SYNDIG1: variants seen among roughly 807,000 people sequenced by gnomAD.
The protein encoded by SYNDIG1 is synapse differentiation-inducing gene protein 1.
Under a neutral mutation model 19.4 loss-of-function variants are expected in SYNDIG1, and 9 were observed. The observed-to-expected ratio is 0.46, with a 90% CI of 0.28 to 0.81. The LOEUF is 0.81. Among genes scored for constraint, SYNDIG1 ranks in the 30% least tolerant of loss-of-function variants. SYNDIG1 has a pLI of 0.12. For missense variants in SYNDIG1, 311 were observed against 343.3 expected (o/e 0.91, Z 0.74); for synonymous variants, 141 against 145.9 (o/e 0.97, Z 0.24).
At chr20:24,638,785 C>T (rs765117025) in intron 3 of SYNDIG1, among the ~76,000 whole-genome samples, 12 of 152,248 alleles carry the variant, frequency 7.9e-5, no homozygotes, top group Non-Finnish European at 1.5e-4. Flanking sequence ...AGCAGAGGCT[C>T]GGGCTCTGAT....
chr20:24,573,026 C>T (rs138081841), intron 2 of SYNDIG1, among the ~76,000 whole-genome samples: 2 of 152,260 alleles, frequency 1.3e-5, no homozygotes, highest in East Asian at 3.9e-4. Flanking sequence ...CCGTCCTGAC[C>T]CACATTAGTC....
Position 24,522,631 on chromosome 20 carries a change from C to G in SYNDIG1, c.-78-20389C>G, listed in dbSNP as rs1188086638. ...GTTGGCATGCTTACCCACACTGTTT[C>G]TCTCTTCCCCATTGGCCTTCTGTAT... On this transcript the variant is annotated intron_variant, in intron 1 of 3. Coordinates refer to ENST00000376862, the MANE Select transcript of SYNDIG1 (RefSeq NM_024893.3). Among the ~76,000 whole-genome samples, 7 of 152,286 alleles carry G rather than the reference C, an allele frequency of 4.6e-5. No homozygotes were observed. The East Asian group carries it at 1.4e-3, about 29-fold the overall frequency.
At chr20:24,559,256 C>A (rs1342032208) in intron 2 of SYNDIG1, among the ~76,000 whole-genome samples, 4 of 152,100 alleles carry the variant, frequency 2.6e-5, no homozygotes, top group Non-Finnish European at 4.4e-5. Flanking sequence ...AGACAAACAT[C>A]ACATGTTCAC....
chr20:24,503,501 GAGA>G (rs1165269286), intron 1 of SYNDIG1, among the ~76,000 whole-genome samples: 1 of 152,194 alleles, frequency 6.6e-6, no homozygotes, highest in Non-Finnish European at 1.5e-5. Flanking sequence ...AGGGGCTCAG[GAGA>G]AGCTCGTCTA....
chr20:24,557,914 C>T (rs549331564), intron 2 of SYNDIG1, among the ~76,000 whole-genome samples: 35 of 152,330 alleles, frequency 2.3e-4, no homozygotes, highest in Non-Finnish European at 1.9e-4. Context: ...TGTTCCTATT[C>T]GGCCATCTTG....
chr20:24,473,469 T>C (rs1382051213), intron 1 of SYNDIG1, among the ~76,000 whole-genome samples: 1 of 152,188 alleles, frequency 6.6e-6, no homozygotes, highest in Admixed American at 6.5e-5. Context: ...CTGTGCAAGA[T>C]GCCCATTTTG....
intron 3 of SYNDIG1, among the ~76,000 whole-genome samples, chr20:24,664,158 G>A (rs2059627977): frequency 6.6e-6 from 1 of 151,760 alleles, no homozygotes; most frequent in Non-Finnish European, 1.5e-5. Flanking sequence ...GCAGCGGCAG[G>A]CATCCCTTCC....
At chr20:24,617,763 G>A (rs937428878) in intron 3 of SYNDIG1, among the ~76,000 whole-genome samples, 1 of 150,366 alleles carries the variant, frequency 6.7e-6, no homozygotes, top group South Asian at 2.1e-4. Context: ...GGAAGCTTAA[G>A]GAGGGTCTGG....
At chr20:24,504,347 C>T (rs1222569706) in intron 1 of SYNDIG1, among the ~76,000 whole-genome samples, 1 of 150,280 alleles carries the variant, frequency 6.7e-6, no homozygotes, top group Non-Finnish European at 1.5e-5. Flanking sequence ...CATAGGTAGC[C>T]CGGGGAGCAA....
chr20:24,606,920 C>G (rs2058764742), intron 3 of SYNDIG1, among the ~76,000 whole-genome samples: 1 of 152,204 alleles, frequency 6.6e-6, no homozygotes, highest in Non-Finnish European at 1.5e-5. Context: ...CATTTTGAAG[C>G]TGCCCTGGGC....
chr20:24,605,002 A>C (rs577057643), intron 3 of SYNDIG1, among the ~76,000 whole-genome samples: 13 of 152,302 alleles, frequency 8.5e-5, no homozygotes, highest in Non-Finnish European at 1.3e-4. Context: ...GAATCAGCCC[A>C]AAACCCAAGT....
At chr20:24,593,131 G>A (rs1455259131) in intron 3 of SYNDIG1, among the ~76,000 whole-genome samples, 2 of 152,176 alleles carry the variant, frequency 1.3e-5, no homozygotes, top group Non-Finnish European at 2.9e-5. Flanking sequence ...CATGTCATGG[G>A]AGTTTGATGT....
chr20:24,527,007 T>C (rs1568611979), intron 1 of SYNDIG1, among the ~76,000 whole-genome samples: 1 of 152,182 alleles, frequency 6.6e-6, no homozygotes, highest in Non-Finnish European at 1.5e-5. Flanking sequence ...TGTGTCAATG[T>C]GGTATTTCCT....
chr20:24,502,452 C>G (rs1013066192), intron 1 of SYNDIG1: 1 of 152,170 alleles, frequency 6.6e-6, no homozygotes, highest in Non-Finnish European at 1.5e-5. Context: ...CACAGAGCAT[C>G]GTCCTGGCCT....
intron 3 of SYNDIG1, among the ~76,000 whole-genome samples, chr20:24,623,176 C>A (rs1208395473): frequency 3.7e-4 from 52 of 140,674 alleles, no homozygotes; most frequent in Admixed American, 5.6e-4. Context: ...AAGACTCCGT[C>A]AAAAAAAAAA....
intron 1 of SYNDIG1, among the ~76,000 whole-genome samples, chr20:24,478,049 G>C (rs988847460): frequency 1.3e-5 from 2 of 152,198 alleles, no homozygotes; most frequent in Non-Finnish European, 2.9e-5. Flanking sequence ...TAAGCCTGGT[G>C]CCTCACCACA....
At chr20:24,636,651 G>A (rs2059319231) in intron 3 of SYNDIG1, among the ~76,000 whole-genome samples, 1 of 152,184 alleles carries the variant, frequency 6.6e-6, no homozygotes, top group Admixed American at 6.5e-5. Flanking sequence ...ATGATGGAGT[G>A]CCATGTTGAA....
chr20:24,474,249 A>T (rs1360868976), intron 1 of SYNDIG1, among the ~76,000 whole-genome samples: 1 of 152,256 alleles, frequency 6.6e-6, no homozygotes, highest in East Asian at 1.9e-4. Context: ...CATTTATAAT[A>T]TGTGATGATT....
rs1409057562 is a variant in SYNDIG1, at chr20:24,486,802, G to A, written c.-79+17049G>A. On this transcript the variant is annotated intron_variant, in intron 1 of 3. Transcript: ENST00000376862. ...CCCTCCTGAGTATCTGGGACTACAG[G>A]TGTGCGCCAACATGCCCAGCTCATT... Among the ~76,000 whole-genome samples, 10 of 152,164 alleles carry A rather than the reference G, an allele frequency of 6.6e-5. No homozygotes were observed. In the East Asian group the frequency reaches 1.9e-3, roughly 29 times the overall value.
Sources: allele counts gnomAD v4.1 joint callset (sites outside exome capture counted in the v4.1 genomes callset), GRCh38; gene constraint gnomAD v4.1.1; transcripts MANE v1.5; gene names NCBI Gene and HGNC (gene_info 2026-07-23, HGNC 2026-07-21).